SPATC1: variants seen among roughly 807,000 people sequenced by gnomAD.
SPATC1 encodes the protein spermatogenesis and centriole associated 1, also known as speriolin.
SPATC1 carries 35 observed loss-of-function variants against 36.5 expected under a neutral mutation model. The ratio of observed to expected loss-of-function variants is 0.96; its 90% CI spans 0.73 to 1.27. The LOEUF (loss-of-function observed/expected upper bound fraction) is 1.27, where lower values mean the gene tolerates loss of function less well. Among genes scored for constraint, SPATC1 ranks in the 50% most tolerant of loss-of-function variants. The probability of loss-of-function intolerance (pLI) is 0.00; values close to 1 mark genes in which losing one functional copy is unlikely to be tolerated. For missense variants in SPATC1, 779 were observed against 796.0 expected (o/e 0.98, Z 0.26); for synonymous variants, 361 against 353.6 (o/e 1.02, Z -0.24).
intron 4 of SPATC1, among the ~76,000 whole-genome samples, chr8:144,043,284 G>A (rs957815367): frequency 2.7e-5 from 4 of 146,982 alleles, no homozygotes; most frequent in Non-Finnish European, 4.5e-5. Flanking sequence ...CGTGAGCCAC[G>A]GTGCCCAGCC....
intron 1 of SPATC1, among the ~76,000 whole-genome samples, chr8:144,032,883 G>C (rs1834826237): frequency 6.6e-6 from 1 of 152,008 alleles, no homozygotes; most frequent in Non-Finnish European, 1.5e-5. Context: ...CATATGCACA[G>C]ATAGGGATTT....
At position 144,046,748 on chromosome 8, in the gene SPATC1, C is replaced by A. The variant is rs782379736; in HGVS notation, c.1568C>A (p.Ala523Glu). 1 of 1,611,928 alleles carries A rather than the reference C, an allele frequency of 6.2e-7. No individual in the cohort carries two copies. The highest frequency in any genetic ancestry group is 8.5e-7 in the Non-Finnish European group (1 of 1,179,990). ...GGCTACAACGGGCGGGTGCACCCTGCGCTGACCGAGCAGCTGGTGAACGCT... is the reference window on the plus strand; with the variant it reads ...GGCTACAACGGGCGGGTGCACCCTGAGCTGACCGAGCAGCTGGTGAACGCT... ...SLGYNGRVHP[A>E]LTEQLVNAYG... The change falls in exon 5 of 5, where the codon GCG becomes GAG. Residue 523 changes from alanine to glutamate, a missense_variant. Coordinates refer to ENST00000377470, the MANE Select transcript of SPATC1 (RefSeq NM_198572.3). The surrounding 1 kb of genome is among the most constrained non-coding windows in gnomAD (Gnocchi z 6.6).
rs1554756643 is a variant in SPATC1, at chr8:144,045,534, A to G, written c.1447-1093A>G. 1.3e-5 allele frequency among the ~76,000 whole-genome samples: 2 copies of G among 152,216 alleles called. No homozygotes were observed. Among genetic ancestry groups the G allele is most frequent in the African/African-American group, 2.4e-5 (1 of 41,460 alleles). ...TCAGCCATCTGGGACACAGCAGGAC[A>G]TAGCTGGAAGAGGGGTGCAGGGACA... On this transcript the variant is annotated intron_variant, in intron 4 of 4. Coordinates refer to ENST00000377470, the MANE Select transcript of SPATC1 (RefSeq NM_198572.3). The surrounding 1 kb of genome is among the most constrained non-coding windows in gnomAD (Gnocchi z 5.2).
In SPATC1 at chr8:144,046,686, G is replaced by A. The variant is rs1554756813; in HGVS notation, c.1506G>A (p.Gln502=). ...AGAAGCTGTGCCAGAGGCTCACACA[G>A]CGCTATGTGAGCGTCATGAACAGGC... ...LDEKLCQRLT[Q]RYVSVMNRLQ... The change falls in exon 5 of 5, where the codon CAG becomes CAA. Residue 502 remains glutamine (Q), a synonymous_variant. Transcript: ENST00000377470. This position sits in a 1 kb window ranked among gnomAD's most constrained non-coding sequence, Gnocchi z 6.6. 6.2e-7 allele frequency: 1 copy of A among 1,612,412 alleles called. No individual in the cohort carries two copies. The highest frequency in any genetic ancestry group is 8.5e-7 in the Non-Finnish European group (1 of 1,179,966).
intron 4 of SPATC1, among the ~76,000 whole-genome samples, chr8:144,043,501 C>T (rs1446669637): frequency 9.2e-5 from 14 of 151,872 alleles, no homozygotes; most frequent in East Asian, 1.9e-4. Context: ...AGGCTGGTGT[C>T]GAACTCCTGA....
At chr8:144,023,654 C>G (rs1176212820) in intron 1 of SPATC1, among the ~76,000 whole-genome samples, 2,331 of 2,734 alleles carry the variant, frequency 0.85, 1,153 homozygotes, top group Middle Eastern at 1. Flanking sequence ...CTTCTTCCCT[C>G]AGGACCCTCT....
intron 1 of SPATC1, 159 bp downstream of exon 1, chr8:144,012,885 T>C (rs782003745): frequency 1.3e-6 from 1 of 783,232 alleles, no homozygotes; most frequent in Non-Finnish European, 2.0e-6. Context: ...ATGTGCTTCC[T>C]GTCCTGGAGG....
intron 1 of SPATC1, among the ~76,000 whole-genome samples, chr8:144,026,675 G>C (rs1247889882): frequency 3.3e-5 from 5 of 152,144 alleles, no homozygotes; most frequent in African/African-American, 9.6e-5. Context: ...TTCCAATGCA[G>C]TTTTGATTTG....
intron 1 of SPATC1, among the ~76,000 whole-genome samples, chr8:144,030,398 C>T (rs1834770449): frequency 6.6e-6 from 1 of 152,204 alleles, no homozygotes; most frequent in Admixed American, 6.5e-5. Context: ...CTCACTCTTT[C>T]ACCCAGGCTG....
In SPATC1 at chr8:144,040,005, G is replaced by C. The variant is rs1835020062; in HGVS notation, c.308G>C (p.Ser103Thr). ...ALAPLAEMLT[S>T]LQPSATPGSL... ...GCACCCCTGGCCGAGATGCTAACCA[G>C]CTTGCAGCCCAGCGCCACACCGGGC... The change falls in exon 2 of 5, where the codon AGC (serine) becomes ACC (threonine). Residue 103 changes from serine (S) to threonine (T), a missense_variant. Transcript: ENST00000377470. 1.2e-5 allele frequency: 20 copies of C among 1,613,762 alleles called. No homozygotes were observed. Among genetic ancestry groups the C allele is most frequent in the Non-Finnish European group, 1.7e-5 (20 of 1,179,990 alleles).
Position 144,045,379 on chromosome 8 carries a change from G to A in SPATC1, c.1447-1248G>A, listed in dbSNP as rs1315351879. 2.0e-5 allele frequency among the ~76,000 whole-genome samples: 3 copies of A among 152,214 alleles called. No homozygotes were observed. Among genetic ancestry groups the A allele is most frequent in the Non-Finnish European group, 4.4e-5 (3 of 68,032 alleles). ...GCAGAGGTTGACGTCACATTAACCG[G>A]GCCCGGTCCTGAGTCCAGCCCCAAG... On this transcript the variant is annotated intron_variant, in intron 4 of 4. Transcript: ENST00000377470. This position sits in a 1 kb window ranked among gnomAD's most constrained non-coding sequence, Gnocchi z 5.2.
At chr8:144,044,595 A>C (rs1835209657) in intron 4 of SPATC1, among the ~76,000 whole-genome samples, 1 of 149,678 alleles carries the variant, frequency 6.7e-6, no homozygotes. Flanking sequence ...GGCGTGAGCC[A>C]CCAAGCCCGG....
chr8:144,032,454 T>C (rs1326121185), intron 1 of SPATC1, among the ~76,000 whole-genome samples: 2 of 152,010 alleles, frequency 1.3e-5, no homozygotes, highest in Non-Finnish European at 2.9e-5. Context: ...ATTTTTGTAT[T>C]CTTAGTAGAG....
At position 144,047,085 on chromosome 8, in the gene SPATC1, C is replaced by A; in HGVS notation, c.*129C>A. 8.7e-7 allele frequency: 1 copy of A among 1,149,762 alleles called. No homozygotes were observed. The highest frequency in any genetic ancestry group is 1.2e-6 in the Non-Finnish European group (1 of 832,442). The allele number at this position is 1,149,762 out of a possible 1,614,324, so 71.2% of individuals were successfully genotyped here. On this transcript the variant is annotated 3_prime_UTR_variant, in exon 5 of 5. Coordinates refer to ENST00000377470, the MANE Select transcript of SPATC1 (RefSeq NM_198572.3). This position sits in a 1 kb window ranked among gnomAD's most constrained non-coding sequence, Gnocchi z 4.1. ...GGTGGTGCTGCCTCCTCTGGGGTGG[C>A]TCACCGGGCCCCGGCACCGTGCCCC... is the stretch of plus-strand genomic sequence containing the variant.
intron 1 of SPATC1, among the ~76,000 whole-genome samples, chr8:144,023,081 T>C (rs1389754054): frequency 2.0e-5 from 3 of 146,950 alleles, no homozygotes; most frequent in Non-Finnish European, 3.0e-5. Flanking sequence ...CTAAGGACCC[T>C]CTCTCCTCAG....
chr8:144,040,130 A>T lies in SPATC1; in HGVS notation c.433A>T (p.Ile145Phe), dbSNP rs145857094. ...CCTCACCAGCTTCCTGACCAGTCCCATTGCGGGACCCCTAACAGGCACACT... is the reference window on the plus strand; with the variant it reads ...CCTCACCAGCTTCCTGACCAGTCCCTTTGCGGGACCCCTAACAGGCACACT... ...SPLTSFLTSP[I>F]AGPLTGTLAS... The change falls in exon 2 of 5, where the codon ATT becomes TTT. Residue 145 changes from isoleucine to phenylalanine, a missense_variant. Ile to Phe is a conservative substitution (Grantham distance 21, BLOSUM62 0). Coordinates refer to ENST00000377470, the MANE Select transcript of SPATC1 (RefSeq NM_198572.3). The T allele has an allele frequency of 3.4e-5, 54 of 1,609,644 alleles. No individual in the cohort carries two copies. The African/African-American group carries it at 6.7e-4, about 20-fold the overall frequency.
intron 1 of SPATC1, among the ~76,000 whole-genome samples, chr8:144,029,806 T>C (rs1012419785): frequency 3.9e-5 from 6 of 152,220 alleles, no homozygotes; most frequent in Non-Finnish European, 5.9e-5. Context: ...GTTTTGTATA[T>C]GTCCATTAGA....
rs112053939 is a variant in SPATC1, at chr8:144,016,306, C to A, written c.211+3580C>A. On this transcript the variant is annotated intron_variant, in intron 1 of 4. Transcript: ENST00000377470. The surrounding 1 kb of genome is among the most constrained non-coding windows in gnomAD (Gnocchi z 4.5). ...AGAGGATATGGTGTATCTGCTTTGA[C>A]GGTGTGTGATTTGTGAGTGAATGTG... Among the ~76,000 whole-genome samples, 10,637 of 151,900 alleles carry A rather than the reference C, an allele frequency of 0.07. 496 individuals carry two copies. The highest frequency in any genetic ancestry group is 0.13 in the African/African-American group (5,324 of 41,392).
chr8:144,033,558 C>T (rs1393903218), intron 1 of SPATC1, among the ~76,000 whole-genome samples: 3 of 152,290 alleles, frequency 2.0e-5, no homozygotes, highest in East Asian at 3.9e-4. Context: ...CCAGCTTAAT[C>T]GTAGCTTTGG....
Sources: allele counts gnomAD v4.1 joint callset (sites outside exome capture counted in the v4.1 genomes callset), GRCh38; gene constraint gnomAD v4.1.1; non-coding constraint Gnocchi (gnomAD v3.1); transcripts MANE v1.5; gene names NCBI Gene and HGNC (gene_info 2026-07-23, HGNC 2026-07-21).